The following SLC7A9 variants were observed in gnomAD, a reference collection of about 807,000 sequenced individuals.
The protein encoded by SLC7A9 is B(0,+)-type amino acid transporter 1.
A neutral mutation model predicts 54.1 loss-of-function variants in SLC7A9; 38 were observed. The ratio of observed to expected loss-of-function variants is 0.70; its 90% CI spans 0.54 to 0.92. The LOEUF (loss-of-function observed/expected upper bound fraction) is 0.92. Among genes scored for constraint, SLC7A9 ranks in the 40% least tolerant of loss-of-function variants. The probability of loss-of-function intolerance (pLI) is 0.00; values close to 1 mark genes in which losing one functional copy is unlikely to be tolerated. For synonymous variants in SLC7A9, 264 were observed against 258.9 expected (o/e 1.02, Z -0.19); for missense variants, 537 against 636.1 (o/e 0.84, Z 1.68).
chr19:32,864,617 A>G lies in SLC7A9; in HGVS notation c.235+12T>C. The G allele has an allele frequency of 6.2e-7, 1 of 1,612,254 alleles. No individual in the cohort carries two copies. Among genetic ancestry groups the G allele is most frequent in the Non-Finnish European group, 8.5e-7 (1 of 1,179,950 alleles). The stretch of plus-strand genomic sequence containing the variant: ...GCTTCCGGGGCTGCAACAGGCTCCC[A>G]AGTCTCTTTACCCAGCGTCGCGAGG... On this transcript the variant is annotated intron_variant, in intron 3 of 12. Coordinates refer to ENST00000023064, the MANE Select transcript of SLC7A9 (RefSeq NM_014270.5).
rs780092173 is a variant in SLC7A9, at chr19:32,864,660, T to C, written c.204A>G (p.Ile68Met). Residue 68 changes from isoleucine (I) to methionine (M), a missense_variant, in exon 3 of 13, where the codon ATA (isoleucine) becomes ATG (methionine). Transcript: ENST00000023064. ...NTEAVGPCLI[I>M]WAACGVLATL... ...TCGCGAGGACCCCGCAAGCCGCCCA[T>C]ATGATGAGGCAGGGCCCCACAGCTT... The C allele has an allele frequency of 6.2e-7, 1 of 1,613,980 alleles. No individual in the cohort carries two copies. Among genetic ancestry groups the C allele is most frequent in the Non-Finnish European group, 8.5e-7 (1 of 1,180,012 alleles).
intron 3 of SLC7A9, 81 bp from the exon 4 acceptor site, chr19:32,864,419 C>A: frequency 6.3e-7 from 1 of 1,592,910 alleles, no homozygotes; most frequent in South Asian, 1.1e-5. Flanking sequence ...CCACCGGAGG[C>A]TGCGCTCGTA....
rs1339383240 is a variant in SLC7A9 at position 32,843,855 on chromosome 19, A to G, written c.1074T>C (p.Tyr358=). The stretch of plus-strand genomic sequence containing the variant: ...GGCTGGTAGCGGGATTTGTACTCAC[A>G]TAAAAGATGATGGCGGGGGCTGGAG... The part of the protein sequence containing the change: ...RLTPAPAIIF[Y]GIIATIYIIP... Residue 358 remains tyrosine (Y), a splice_region_variant and synonymous_variant, in exon 10 of 13, where the codon TAT becomes TAC. Transcript: ENST00000023064. 3 of 1,611,662 alleles carry G rather than the reference A, an allele frequency of 1.9e-6. No individual in the cohort carries two copies. The highest frequency in any genetic ancestry group is 8.5e-7 in the Non-Finnish European group (1 of 1,177,776).
intron 9 of SLC7A9, among the ~76,000 whole-genome samples, chr19:32,856,128 T>C (rs1470002426): frequency 6.6e-6 from 1 of 151,946 alleles, no homozygotes; most frequent in Non-Finnish European, 1.5e-5. Context: ...AGGAATAAGC[T>C]CTGGTGATCT....
At chr19:32,846,035 C>T (rs1446284583) in intron 9 of SLC7A9, among the ~76,000 whole-genome samples, 4 of 152,130 alleles carry the variant, frequency 2.6e-5, no homozygotes, top group African/African-American at 9.7e-5. Context: ...TTGATGGGGG[C>T]ATGGAGCCAA....
chr19:32,861,336 A>G (rs765292923), intron 6 of SLC7A9, among the ~76,000 whole-genome samples: 4 of 152,086 alleles, frequency 2.6e-5, no homozygotes, highest in Admixed American at 6.6e-5. Flanking sequence ...CGTCTCAAAA[A>G]AAAAAGAAAA....
chr19:32,845,180 A>G (rs1182775306), intron 9 of SLC7A9, among the ~76,000 whole-genome samples: 1 of 128,828 alleles, frequency 7.8e-6, no homozygotes, highest in Non-Finnish European at 1.6e-5. Flanking sequence ...ATAAAAATAA[A>G]TAAGAGGAGA....
chr19:32,842,093 C>T (rs893115507), intron 11 of SLC7A9, 75 bp downstream of exon 11: 4 of 1,433,364 alleles, frequency 2.8e-6, no homozygotes, highest in Non-Finnish European at 3.9e-6. Flanking sequence ...AGGCATGCCC[C>T]TAGCATTTGA....
chr19:32,844,119 G>T (rs1009673563), intron 9 of SLC7A9, among the ~76,000 whole-genome samples, 168 bp from the exon 10 acceptor site: 1 of 152,074 alleles, frequency 6.6e-6, no homozygotes, highest in African/African-American at 2.4e-5. Context: ...GAGACGAGTG[G>T]GTTTTGGCAG....
intron 5 of SLC7A9, 118 bp downstream of exon 5, chr19:32,862,343 C>T: frequency 2.0e-6 from 3 of 1,494,432 alleles, no homozygotes; most frequent in Non-Finnish European, 2.8e-6. Flanking sequence ...AAGGATCCCT[C>T]CCACCGAGTT....
chr19:32,860,084 C>A (rs751704699), intron 7 of SLC7A9, 120 bp from the exon 8 acceptor site: 2 of 1,582,676 alleles, frequency 1.3e-6, no homozygotes, highest in South Asian at 2.3e-5. Flanking sequence ...CCAGCAGGAA[C>A]ATAAGACATT....
intron 9 of SLC7A9, among the ~76,000 whole-genome samples, chr19:32,848,954 A>C (rs1396895285): frequency 6.7e-6 from 1 of 149,860 alleles, no homozygotes; most frequent in Non-Finnish European, 1.5e-5. Flanking sequence ...TAACTAAATG[A>C]AGGCAGAAAT....
At chr19:32,848,288 A>C (rs1413979186) in intron 9 of SLC7A9, among the ~76,000 whole-genome samples, 1 of 152,240 alleles carries the variant, frequency 6.6e-6, no homozygotes, top group Non-Finnish European at 1.5e-5. Flanking sequence ...TATTCAGGAA[A>C]CCTATCTCAC....
At chr19:32,856,672 C>T (rs759157263) in intron 9 of SLC7A9, among the ~76,000 whole-genome samples, 2 of 152,070 alleles carry the variant, frequency 1.3e-5, no homozygotes, top group Non-Finnish European at 2.9e-5. Context: ...GTGGTGTGAT[C>T]GTGGCCCACT....
At chr19:32,836,864 T>C (rs539083731) in intron 11 of SLC7A9, among the ~76,000 whole-genome samples, 1 of 152,344 alleles carries the variant, frequency 6.6e-6, no homozygotes, top group Admixed American at 6.5e-5. Context: ...TCTTAAATAA[T>C]GCTTTGGGCC....
At chr19:32,845,914 G>C (rs1407131064) in intron 9 of SLC7A9, among the ~76,000 whole-genome samples, 1 of 152,166 alleles carries the variant, frequency 6.6e-6, no homozygotes, top group East Asian at 1.9e-4. Context: ...TGAGGCAGGA[G>C]AATCACTTGA....
intron 11 of SLC7A9, among the ~76,000 whole-genome samples, chr19:32,837,700 C>T (rs62124972): frequency 0.013 from 1,992 of 152,240 alleles, 26 homozygotes; most frequent in Non-Finnish European, 0.021. Flanking sequence ...ACGTGAGACG[C>T]TTACACCTCA....
chr19:32,836,541 C>T (rs774622834), intron 11 of SLC7A9, among the ~76,000 whole-genome samples: 8 of 152,114 alleles, frequency 5.3e-5, no homozygotes, highest in Non-Finnish European at 1.2e-4. Flanking sequence ...TAAAAGCTGT[C>T]AGTTTTCAGA....
chr19:32,859,077 A>G (rs1383750973), intron 8 of SLC7A9, among the ~76,000 whole-genome samples: 1 of 151,132 alleles, frequency 6.6e-6, no homozygotes, highest in Non-Finnish European at 1.5e-5. Context: ...ATGAGCCACC[A>G]TGCCTGGCCA....
Sources: allele counts gnomAD v4.1 joint callset (sites outside exome capture counted in the v4.1 genomes callset), GRCh38; gene constraint gnomAD v4.1.1; transcripts MANE v1.5; gene names NCBI Gene and HGNC (gene_info 2026-07-23, HGNC 2026-07-21).